Variants in UBE2O observed in about 807,000 individuals in gnomAD.
UBE2O encodes ubiquitin conjugating enzyme E2 O, also known as (E3-independent) E2 ubiquitin-conjugating enzyme.
Under a neutral mutation model 125.8 loss-of-function variants are expected in UBE2O, and 15 were observed. The observed-to-expected ratio is 0.12, with a 90% CI of 0.08 to 0.18. The LOEUF (loss-of-function observed/expected upper bound fraction) is 0.18, where lower values mean the gene tolerates loss of function less well. Among genes scored for constraint, UBE2O ranks in the 10% least tolerant of loss-of-function variants. The probability of loss-of-function intolerance (pLI) is 1.00; values close to 1 mark genes in which losing one functional copy is unlikely to be tolerated. For missense variants in UBE2O, 1,280 were observed against 1,723.6 expected (o/e 0.74, Z 4.56); for synonymous variants, 708 against 703.2 (o/e 1.01, Z -0.11).
Position 76,402,830 on chromosome 17 carries a change from C to A in UBE2O, c.589-131G>T. 1 of 734,332 alleles carries A rather than the reference C, an allele frequency of 1.4e-6. No individual in the cohort carries two copies. The highest frequency in any genetic ancestry group is 2.4e-6 in the Non-Finnish European group (1 of 424,016). The allele number at this position is 734,332 out of a possible 1,614,324, so 45.5% of individuals were successfully genotyped here. A position where few individuals can be genotyped will look rare whatever the true frequency, so the allele number is the denominator to read the frequency against. ...ACAGCTCACTGACTGGACCGGTTGG[C>A]TACTAGCCCTAAACAGCTGCTGCAG... On this transcript the variant is annotated intron_variant, in intron 3 of 17. Coordinates refer to ENST00000319380, the MANE Select transcript of UBE2O (RefSeq NM_022066.4). This position sits in a 1 kb window ranked among gnomAD's most constrained non-coding sequence, Gnocchi z 5.4.
chr17:76,422,538 C>T (rs146338254), intron 1 of UBE2O, among the ~76,000 whole-genome samples: 1 of 152,290 alleles, frequency 6.6e-6, no homozygotes, highest in Non-Finnish European at 1.5e-5. Context: ...ATCTGGAACA[C>T]GAGACAGTCC....
At chr17:76,422,899 G>T (rs1211162327) in intron 1 of UBE2O, among the ~76,000 whole-genome samples, 4 of 152,252 alleles carry the variant, frequency 2.6e-5, no homozygotes, top group Non-Finnish European at 5.9e-5. Flanking sequence ...GGGTGCCTCT[G>T]AGGAGTCACT....
chr17:76,394,679 C>T (rs1425917425), intron 15 of UBE2O, among the ~76,000 whole-genome samples: 3 of 151,962 alleles, frequency 2.0e-5, no homozygotes, highest in Non-Finnish European at 2.9e-5. Context: ...AAAGGTCATC[C>T]GTTTGGAAGG....
intron 1 of UBE2O, among the ~76,000 whole-genome samples, chr17:76,421,151 C>T (rs149968933): frequency 1.3e-5 from 2 of 152,240 alleles, no homozygotes; most frequent in African/African-American, 4.8e-5. Context: ...TCCAAAAGGC[C>T]GTTGCTCCTC....
At position 76,391,511 on chromosome 17, in the gene UBE2O, G is replaced by A. The variant is rs745552878; in HGVS notation, c.3311C>T (p.Ala1104Val). The change falls in exon 18 of 18, where the codon GCG (alanine) becomes GTG (valine). Residue 1104 changes from alanine (A) to valine (V), a missense_variant. Coordinates refer to ENST00000319380, the MANE Select transcript of UBE2O (RefSeq NM_022066.4). This position sits in a 1 kb window ranked among gnomAD's most constrained non-coding sequence, Gnocchi z 8.4. ...CATGGACTGCACCACGCGGATCAGC[G>A]CCATCTCATTGTAACAGCGACTGTT... ...YENSRCYNEM[A>V]LIRVVQSMTQ... 3.7e-6 allele frequency: 6 copies of A among 1,613,908 alleles called. No homozygotes were observed. The African/African-American group carries it at 4.0e-5, about 11-fold the overall frequency.
chr17:76,411,328 T>C (rs2072512065), intron 1 of UBE2O, among the ~76,000 whole-genome samples: 1 of 152,160 alleles, frequency 6.6e-6, no homozygotes, highest in Admixed American at 6.5e-5. Flanking sequence ...TCAAGTGATT[T>C]TGATTGTCAT....
intron 1 of UBE2O, among the ~76,000 whole-genome samples, chr17:76,438,636 C>T (rs562846593): frequency 1.1e-4 from 17 of 152,190 alleles, no homozygotes; most frequent in Non-Finnish European, 2.4e-4. Flanking sequence ...CTCTTAGGTT[C>T]GATAGATTTC....
At chr17:76,406,204 GA>G (rs2072414228) in intron 1 of UBE2O, among the ~76,000 whole-genome samples, 1 of 152,246 alleles carries the variant, frequency 6.6e-6, no homozygotes, top group African/African-American at 2.4e-5. Flanking sequence ...ACGAGCACCT[GA>G]TTGTCTCTTT....
rs966324292 is a variant in UBE2O at position 76,400,893 on chromosome 17, G to A, written c.894+118C>T. ...CCCCAAAGCCCTTTGAGATCAACAG[G>A]GTCCAGATGCTGAGGAGCGGGGCTC... On this transcript the variant is annotated intron_variant, in intron 6 of 17. Coordinates refer to ENST00000319380, the MANE Select transcript of UBE2O (RefSeq NM_022066.4). The surrounding 1 kb of genome is among the most constrained non-coding windows in gnomAD (Gnocchi z 4.3). The A allele has an allele frequency of 6.4e-6, 8 of 1,251,950 alleles. No homozygotes were observed. Among genetic ancestry groups the A allele is most frequent in the Non-Finnish European group, 7.7e-6 (7 of 910,766 alleles). 77.6% of individuals were successfully genotyped at this position (1,251,950 alleles called of 1,614,324 possible).
rs962686800 is a variant in UBE2O, at chr17:76,452,671, G to C, written c.417+54C>G. On this transcript the variant is annotated intron_variant, in intron 1 of 17. Transcript: ENST00000319380. This position sits in a 1 kb window ranked among gnomAD's most constrained non-coding sequence, Gnocchi z 4.4. ...CTGCACGCCGTCCTTCCCTGGCCTC[G>C]GCCCGGCCGCCGACCCCCTGCCGCC... 14 of 1,337,994 alleles carry C rather than the reference G, an allele frequency of 1.0e-5. No homozygotes were observed. Among genetic ancestry groups the C allele is most frequent in the African/African-American group, 1.5e-5 (1 of 64,568 alleles). 82.9% of individuals were successfully genotyped at this position (1,337,994 alleles called of 1,614,324 possible). A position where few individuals can be genotyped will look rare whatever the true frequency, so the allele number is the denominator to read the frequency against.
chr17:76,424,360 C>T (rs1292592248), intron 1 of UBE2O, among the ~76,000 whole-genome samples: 2 of 151,472 alleles, frequency 1.3e-5, no homozygotes, highest in Admixed American at 6.6e-5. Flanking sequence ...AAGTGTGAGC[C>T]ACCACACTCT....
At chr17:76,415,328 C>T (rs909979175) in intron 1 of UBE2O, among the ~76,000 whole-genome samples, 1 of 152,218 alleles carries the variant, frequency 6.6e-6, no homozygotes, top group Non-Finnish European at 1.5e-5. Context: ...GGAGGCACCA[C>T]TCTTGTTCTC....
chr17:76,410,986 G>A lies in UBE2O; in HGVS notation c.418-5414C>T, dbSNP rs1039572330. 7.4e-6 allele frequency among the ~76,000 whole-genome samples: 1 copy of A among 135,514 alleles called. No homozygotes were observed. Among genetic ancestry groups the A allele is most frequent in the African/African-American group, 2.7e-5 (1 of 37,124 alleles). 88.9% of individuals were successfully genotyped at this position (135,514 alleles called of 152,430 possible). On this transcript the variant is annotated intron_variant, in intron 1 of 17. Transcript: ENST00000319380. The surrounding 1 kb of genome is among the most constrained non-coding windows in gnomAD (Gnocchi z 4.0). ...AACACAAACTGAGGCTGATCAACAT[G>A]TTGAAAATACAAAGACGCTAAATAA...
rs2072218107 is a variant in UBE2O at position 76,396,818 on chromosome 17, A to G, written c.2119T>C (p.Leu707=). The change falls in exon 14 of 18, where the codon TTG becomes CTG. Residue 707 remains leucine, a synonymous_variant. Transcript: ENST00000319380. The surrounding 1 kb of genome is among the most constrained non-coding windows in gnomAD (Gnocchi z 6.7). ...TCAATCTCAGACTCTATGTTGTACAAGTGCTGGGGGCAGAAGGGAAGTGCC... is the reference window on the plus strand; with the variant it reads ...TCAATCTCAGACTCTATGTTGTACAGGTGCTGGGGGCAGAAGGGAAGTGCC... The part of the protein sequence containing the change: ...NSKTIILPQH[L]YNIESEIEES... 1 of 1,583,446 alleles carries G rather than the reference A, an allele frequency of 6.3e-7. No homozygotes were observed. Among genetic ancestry groups the G allele is most frequent in the Non-Finnish European group, 8.6e-7 (1 of 1,162,990 alleles).
intron 1 of UBE2O, among the ~76,000 whole-genome samples, chr17:76,438,278 A>G (rs2073029709): frequency 6.6e-6 from 1 of 152,184 alleles, no homozygotes; most frequent in African/African-American, 2.4e-5. Context: ...TTGCACAACA[A>G]TGGGAATGTA....
chr17:76,408,861 A>T (rs1449488574), intron 1 of UBE2O, among the ~76,000 whole-genome samples: 1 of 152,158 alleles, frequency 6.6e-6, no homozygotes, highest in Admixed American at 6.5e-5. Context: ...TTAAAAAAAA[A>T]TTGTTACTAG....
intron 15 of UBE2O, among the ~76,000 whole-genome samples, chr17:76,393,529 G>A (rs551579254): frequency 8.5e-5 from 13 of 152,082 alleles, no homozygotes; most frequent in South Asian, 2.1e-4. Flanking sequence ...CACCACGCCC[G>A]GCCAACCCTG....
In UBE2O at chr17:76,399,045, AG is replaced by A; in HGVS notation, c.1629-55del. On this transcript the variant is annotated intron_variant, in intron 9 of 17. Transcript: ENST00000319380. The surrounding 1 kb of genome is among the most constrained non-coding windows in gnomAD (Gnocchi z 6.9). ...TGCAAACCCCACCCCCTCCGCGGAAAGGGCAGAGAGTCTTTCTGTCCCTTCC... is the reference window on the plus strand; with the variant it reads ...TGCAAACCCCACCCCCTCCGCGGAAAGGCAGAGAGTCTTTCTGTCCCTTCC... The A allele has an allele frequency of 6.3e-7, 1 of 1,589,892 alleles. No individual in the cohort carries two copies.
chr17:76,430,447 C>T (rs914301196), intron 1 of UBE2O: 35 of 228,276 alleles, frequency 1.5e-4, no homozygotes, highest in African/African-American at 6.8e-4. Context: ...GCCTGTGGAT[C>T]TGGCCCTCCC....
Sources: allele counts gnomAD v4.1 joint callset (sites outside exome capture counted in the v4.1 genomes callset), GRCh38; gene constraint gnomAD v4.1.1; non-coding constraint Gnocchi (gnomAD v3.1); transcripts MANE v1.5; gene names NCBI Gene and HGNC (gene_info 2026-07-23, HGNC 2026-07-21).